MACROD2: variants seen among roughly 807,000 people sequenced by gnomAD.
The protein encoded by MACROD2 is mono-ADP ribosylhydrolase 2.
A neutral mutation model predicts 70.4 loss-of-function variants in MACROD2; 36 were observed. The ratio of observed to expected loss-of-function variants is 0.51; its 90% CI spans 0.39 to 0.68. The LOEUF (loss-of-function observed/expected upper bound fraction) is 0.68. Among genes scored for constraint, MACROD2 ranks in the 30% least tolerant of loss-of-function variants. MACROD2 has a pLI of 0.00. For synonymous variants in MACROD2, 172 were observed against 178.8 expected, an observed-to-expected ratio of 0.96 and a Z score of 0.30; for missense variants, 496 against 538.4, an observed-to-expected ratio of 0.92 and a Z score of 0.78.
rs6147295 is a variant in MACROD2 at position 14,376,751 on chromosome 20, AAATAATAATAATAAT to A, written c.272-116694_272-116680del. Reference sequence around the variant, plus strand: ...GGTGACAGAATGAGAGCCTGTCTCAAAATAATAATAATAATAATAATAATAATAATAATAATAATA... The same window carrying A: ...GGTGACAGAATGAGAGCCTGTCTCAAAATAATAATAATAATAATAATAATA... On this transcript the variant is annotated intron_variant, in intron 3 of 17. Coordinates refer to ENST00000684519, the MANE Select transcript of MACROD2 (RefSeq NM_001351661.2). Among the ~76,000 whole-genome samples, 597 of 135,834 alleles carry A rather than the reference AAATAATAATAATAAT, an allele frequency of 4.4e-3. 5 individuals carry two copies. The highest frequency in any genetic ancestry group is 0.014 in the African/African-American group (510 of 36,930). 89.1% of individuals were successfully genotyped at this position (135,834 alleles called of 152,430 possible). A position where few individuals can be genotyped will look rare whatever the true frequency, so the allele number is the denominator to read the frequency against.
chr20:14,241,926 G>A (rs2081932887), intron 3 of MACROD2, among the ~76,000 whole-genome samples: 1 of 152,122 alleles, frequency 6.6e-6, no homozygotes, highest in South Asian at 2.1e-4. Context: ...ATTAATGCTA[G>A]GGACCTATAG....
chr20:15,699,897 T>A (rs1197380686), intron 8 of MACROD2, among the ~76,000 whole-genome samples: 1 of 152,144 alleles, frequency 6.6e-6, no homozygotes. Context: ...AGGAATGGGC[T>A]GCTTGGGGAC....
chr20:15,202,227 T>C (rs2076662696), intron 5 of MACROD2, among the ~76,000 whole-genome samples: 1 of 152,226 alleles, frequency 6.6e-6, no homozygotes, highest in Non-Finnish European at 1.5e-5. Flanking sequence ...GAGATAATGA[T>C]ATACCCTCTG....
chr20:14,243,873 A>G (rs184791530), intron 3 of MACROD2, among the ~76,000 whole-genome samples: 1 of 152,320 alleles, frequency 6.6e-6, no homozygotes, highest in East Asian at 1.9e-4. Flanking sequence ...AATTCCATAT[A>G]AGTTGTTTTA....
chr20:14,593,321 G>A (rs2145007), intron 4 of MACROD2, among the ~76,000 whole-genome samples: 16,679 of 152,124 alleles, frequency 0.11, 1,308 homozygotes, highest in South Asian at 0.34. Flanking sequence ...ATCTGTGCAA[G>A]TAACATTCTG....
intron 5 of MACROD2, among the ~76,000 whole-genome samples, chr20:14,861,021 C>T (rs1459347969): frequency 6.6e-6 from 1 of 151,976 alleles, no homozygotes; most frequent in African/African-American, 2.4e-5. Context: ...TTCAGCAGTT[C>T]ACAGTTTTTA....
At chr20:15,578,499 T>C (rs1410360768) in intron 8 of MACROD2, among the ~76,000 whole-genome samples, 1 of 46,058 alleles carries the variant, frequency 2.2e-5, no homozygotes, top group African/African-American at 3.9e-5. Context: ...AAGAGCTCAG[T>C]AAATGGTAGC....
chr20:14,648,358 C>T (rs1267574958), intron 4 of MACROD2, among the ~76,000 whole-genome samples: 1 of 152,134 alleles, frequency 6.6e-6, no homozygotes, highest in African/African-American at 2.4e-5. Flanking sequence ...CATTATAGGA[C>T]TCACTAACTG....
At chr20:15,131,143 A>T (rs192054717) in intron 5 of MACROD2, among the ~76,000 whole-genome samples, 1 of 152,266 alleles carries the variant, frequency 6.6e-6, no homozygotes, top group African/African-American at 2.4e-5. Context: ...AATCATGCAC[A>T]TAGAGGTTCT....
chr20:15,598,162 T>C (rs2048771095), intron 8 of MACROD2, among the ~76,000 whole-genome samples: 1 of 152,164 alleles, frequency 6.6e-6, no homozygotes, highest in Non-Finnish European at 1.5e-5. Flanking sequence ...AAGCACCAGC[T>C]GGCAAAGGGG....
At position 15,235,014 on chromosome 20, in the gene MACROD2, A is replaced by G. The variant is rs529373012; in HGVS notation, c.540+4953A>G. Among the ~76,000 whole-genome samples, 6 of 152,312 alleles carry G rather than the reference A, an allele frequency of 3.9e-5. No homozygotes were observed. The East Asian group carries it at 9.7e-4, about 25-fold the overall frequency. ...TAAAAAACTAATCCATGTCATACAA[A>G]AAGTATCACAGCAATTTCTTCTTCT... On this transcript the variant is annotated intron_variant, in intron 6 of 17. Transcript: ENST00000684519.
At chr20:15,613,309 G>T (rs200743) in intron 8 of MACROD2, among the ~76,000 whole-genome samples, 81,208 of 152,090 alleles carry the variant, frequency 0.53, 23,054 homozygotes, top group African/African-American at 0.75. Flanking sequence ...TCTCCTGATT[G>T]GGGTCTTTAT....
At chr20:15,843,146 G>A (rs991167848) in intron 8 of MACROD2, among the ~76,000 whole-genome samples, 3 of 152,152 alleles carry the variant, frequency 2.0e-5, no homozygotes, top group African/African-American at 7.2e-5. Context: ...TAATCAACAT[G>A]AAAAACACTT....
At chr20:14,704,244 T>A (rs1378015848) in intron 5 of MACROD2, among the ~76,000 whole-genome samples, 1 of 152,082 alleles carries the variant, frequency 6.6e-6, no homozygotes, top group Non-Finnish European at 1.5e-5. Context: ...ATCTTCATCG[T>A]CCCCCAAACT....
rs1312442895 is a variant in MACROD2 at position 16,052,670 on chromosome 20, C to T, written c.*2794C>T. On this transcript the variant is annotated 3_prime_UTR_variant, in exon 18 of 18. Transcript: ENST00000684519. The stretch of plus-strand genomic sequence containing the variant: ...CTGTGATACTGGGTCACATATTAAT[C>T]ACTGCAGCTAATTGTAAATCTTTCT... 6.6e-6 allele frequency: 1 copy of T among 152,622 alleles called. No individual in the cohort carries two copies. The highest frequency in any genetic ancestry group is 1.9e-4 in the East Asian group (1 of 5,194). The allele number at this position is 152,622 out of a possible 1,614,324, so 9.5% of individuals were successfully genotyped here.
intron 5 of MACROD2, among the ~76,000 whole-genome samples, chr20:15,033,084 C>T (rs547907765): frequency 1.3e-5 from 2 of 151,920 alleles, no homozygotes; most frequent in East Asian, 3.9e-4. Flanking sequence ...GAGGATGGGG[C>T]GTTATTGTTT....
chr20:15,391,739 G>T (rs973733478), intron 6 of MACROD2, among the ~76,000 whole-genome samples: 2 of 152,100 alleles, frequency 1.3e-5, no homozygotes, highest in Admixed American at 6.6e-5. Flanking sequence ...ATGTAGAATT[G>T]TCTGGGTCTC....
chr20:14,010,868 C>T (rs776554216), intron 2 of MACROD2, among the ~76,000 whole-genome samples: 3 of 152,102 alleles, frequency 2.0e-5, no homozygotes, highest in Non-Finnish European at 4.4e-5. Flanking sequence ...TCTGTGAAGC[C>T]ATGTGCAACA....
chr20:15,862,730 A>G lies in MACROD2; in HGVS notation c.646-15A>G, dbSNP rs565320048. 2.5e-6 allele frequency: 4 copies of G among 1,601,150 alleles called. No individual in the cohort carries two copies. The highest frequency in any genetic ancestry group is 3.4e-6 in the Non-Finnish European group (4 of 1,174,098). On this transcript the variant is annotated splice_polypyrimidine_tract_variant and intron_variant, in intron 8 of 17. Coordinates refer to ENST00000684519, the MANE Select transcript of MACROD2 (RefSeq NM_001351661.2). ...TATTTTTTTTCACTTTGAGTGTTTT[A>G]TCTTTTGCCTCTAGGTGGATCGGAT...
Sources: gnomAD v4.1 joint callset for allele counts (sites outside exome capture counted in the v4.1 genomes callset) on GRCh38, gnomAD v4.1.1 for gene constraint, MANE v1.5 for transcripts, NCBI Gene and HGNC (gene_info 2026-07-23, HGNC 2026-07-21) for gene names.